Variants in CENPF observed in about 807,000 individuals in gnomAD.
The protein encoded by CENPF is AH antigen.
Under a neutral mutation model 307.3 loss-of-function variants are expected in CENPF, and 214 were observed. That is an observed-to-expected ratio of 0.70 (90% CI 0.62 to 0.78). The LOEUF (loss-of-function observed/expected upper bound fraction) is 0.78. CENPF is among the 30% of genes least tolerant of loss of function. The probability of loss-of-function intolerance (pLI) is 0.00; values close to 1 mark genes in which losing one functional copy is unlikely to be tolerated. For synonymous variants in CENPF, 1,259 were observed against 1,270.6 expected, an observed-to-expected ratio of 0.99 and a Z score of 0.19; for missense variants, 3,401 against 3,483.9, an observed-to-expected ratio of 0.98 and a Z score of 0.60.
At chr1:214,605,410 C>A in intron 1 of CENPF, 2 of 446,570 alleles carry the variant, frequency 4.5e-6, no homozygotes, top group South Asian at 2.7e-5. Context: ...GTCATACATC[C>A]GTAAGTGCCT....
chr1:214,605,702 G>A, intron 1 of CENPF: 6 of 1,591,732 alleles, frequency 3.8e-6, no homozygotes, highest in South Asian at 3.3e-5. Flanking sequence ...CAGCTCCTGG[G>A]AGATGAAGCG....
At chr1:214,609,864 C>A (rs1430404241) in intron 1 of CENPF, among the ~76,000 whole-genome samples, 3 of 152,172 alleles carry the variant, frequency 2.0e-5, no homozygotes, top group Non-Finnish European at 4.4e-5. Flanking sequence ...CTGCAAAAAA[C>A]CATGATCTCA....
intron 1 of CENPF, chr1:214,608,265 T>C (rs1226220185): frequency 6.6e-7 from 1 of 1,524,142 alleles, no homozygotes; most frequent in African/African-American, 1.4e-5. Flanking sequence ...CCCGGCCTGG[T>C]CCCCTCTTGG....
At chr1:214,621,279 C>T (rs554641688) in intron 6 of CENPF, among the ~76,000 whole-genome samples, 16 of 152,158 alleles carry the variant, frequency 1.1e-4, no homozygotes, top group Non-Finnish European at 1.9e-4. Context: ...TTTTGTGACC[C>T]ACAGAACCAG....
rs898982603 is a variant in CENPF at position 214,664,302 on chromosome 1, A to G, written c.*508A>G. 1.9e-5 allele frequency: 3 copies of G among 157,064 alleles called. No homozygotes were observed. Among genetic ancestry groups the G allele is most frequent in the African/African-American group, 7.2e-5 (3 of 41,504 alleles). The allele number at this position is 157,064 out of a possible 1,614,324, so 9.7% of individuals were successfully genotyped here. A position where few individuals can be genotyped will look rare whatever the true frequency, so the allele number is the denominator to read the frequency against. On this transcript the variant is annotated 3_prime_UTR_variant, in exon 20 of 20. Transcript: ENST00000366955. ...GTTTTTAAGGAAAATGTGCACACAT[A>G]TACATGTAGGAGTGTTTATCTTTCT...
Position 214,664,096 on chromosome 1 carries a change from CTGTT to C in CENPF, c.*306_*309del, listed in dbSNP as rs915389947. 8.7e-6 allele frequency: 2 copies of C among 229,014 alleles called. No individual in the cohort carries two copies. Among genetic ancestry groups the C allele is most frequent in the South Asian group, 1.4e-4 (1 of 6,954 alleles). The allele number at this position is 229,014 out of a possible 1,614,324, so 14.2% of individuals were successfully genotyped here. ...AATGACAAGCACTATATCACAATCT[CTGTT>C]TGTATGTGGGTTTTACACTAAAAAA... On this transcript the variant is annotated 3_prime_UTR_variant, in exon 20 of 20. Transcript: ENST00000366955.
At chr1:214,649,710 C>T (rs144040328) in intron 14 of CENPF, among the ~76,000 whole-genome samples, 152 of 152,328 alleles carry the variant, frequency 1.0e-3, no homozygotes, top group African/African-American at 3.5e-3. Context: ...AGGAGTTCCT[C>T]TGAATGATAT....
At chr1:214,615,234 T>C in intron 3 of CENPF, 1 of 378,558 alleles carries the variant, frequency 2.6e-6, no homozygotes. Context: ...ATTGCATAGC[T>C]CAGTACGATA....
chr1:214,616,364 A>C (rs1161437064), intron 3 of CENPF, among the ~76,000 whole-genome samples: 1 of 152,222 alleles, frequency 6.6e-6, no homozygotes. Flanking sequence ...ACCTCGAATC[A>C]GCAGATTTGT....
rs1331516233 is a variant in CENPF, at chr1:214,632,462, C to T, written c.1324-18C>T. The T allele has an allele frequency of 6.2e-7, 1 of 1,604,088 alleles. No individual in the cohort carries two copies. Among genetic ancestry groups the T allele is most frequent in the South Asian group, 1.1e-5 (1 of 88,444 alleles). The stretch of plus-strand genomic sequence containing the variant: ...AAAGAACATGAAAATGAAACTTGGT[C>T]TCTTTTTCTTTTTGTAGCTCACATC... On this transcript the variant is annotated intron_variant, in intron 9 of 19. Coordinates refer to ENST00000366955, the MANE Select transcript of CENPF (RefSeq NM_016343.4).
At chr1:214,630,758 G>GA in intron 9 of CENPF, 96 bp downstream of exon 9, 1 of 1,452,494 alleles carries the variant, frequency 6.9e-7, no homozygotes, top group Non-Finnish European at 9.3e-7. Flanking sequence ...TACTTTCAAA[G>GA]AAAAAGCGCT....
chr1:214,643,372 G>A lies in CENPF; in HGVS notation c.4986+48G>A, dbSNP rs17023338. 0.061 allele frequency: 84,285 copies of A among 1,378,566 alleles called. 3,176 individuals carry two copies. Among genetic ancestry groups the A allele is most frequent in the South Asian group, 0.15 (8,196 of 53,252 alleles). The allele number at this position is 1,378,566 out of a possible 1,614,324, so 85.4% of individuals were successfully genotyped here. On this transcript the variant is annotated intron_variant, in intron 12 of 19. Transcript: ENST00000366955. ...CCATTTCTCGGTTTACATGACTAGTGGACACTCAGTAAATGTTTGTCTAAT... is the reference window on the plus strand; with the variant it reads ...CCATTTCTCGGTTTACATGACTAGTAGACACTCAGTAAATGTTTGTCTAAT...
intron 3 of CENPF, among the ~76,000 whole-genome samples, chr1:214,617,357 T>C (rs1044742474): frequency 6.6e-6 from 1 of 152,158 alleles, no homozygotes; most frequent in Non-Finnish European, 1.5e-5. Flanking sequence ...ATTACTTTCT[T>C]TACTTCCTGT....
intron 1 of CENPF, chr1:214,608,622 G>A (rs1361381997): frequency 1.2e-6 from 2 of 1,606,260 alleles, no homozygotes; most frequent in Non-Finnish European, 1.7e-6. Context: ...GGAAGTCGGC[G>A]CGCTCCGTCA....
At chr1:214,617,024 C>CTCTT (rs1175198510) in intron 3 of CENPF, among the ~76,000 whole-genome samples, 1 of 135,406 alleles carries the variant, frequency 7.4e-6, no homozygotes, top group Non-Finnish European at 1.6e-5. Flanking sequence ...CTTTCTCTTT[C>CTCTT]TCTTTCTTTC....
At position 214,642,219 on chromosome 1, in the gene CENPF, AAAC is replaced by A. The variant is rs749527687; in HGVS notation, c.3887_3889del (p.Thr1296del). On this transcript the variant is annotated inframe_deletion, in exon 12 of 20. Transcript: ENST00000366955. ...AATGCACACCTTCAGTGCTCTCTGC[AAAC>A]AACAATGAACAAGCTGAATGAGCTA... The A allele has an allele frequency of 4.3e-6, 7 of 1,614,078 alleles. 1 individual carries two copies. The highest frequency in any genetic ancestry group is 4.5e-5 in the East Asian group (2 of 44,878).
chr1:214,613,768 T>G lies in CENPF; in HGVS notation c.14T>G (p.Leu5Trp), dbSNP rs771592912. Residue 5 changes from leucine to tryptophan, a missense_variant, in exon 2 of 20, where the codon TTG becomes TGG. Coordinates refer to ENST00000366955, the MANE Select transcript of CENPF (RefSeq NM_016343.4). ...AGGCAGAACAAAATGAGCTGGGCTT[T>G]GGAAGAATGGAAAGAAGGGCTGCCT... MSWALEEWKEGLPTR... is the reference protein window; with the variant it reads MSWAWEEWKEGLPTR... The G allele has an allele frequency of 6.2e-7, 1 of 1,604,966 alleles. No homozygotes were observed.
intron 11 of CENPF, among the ~76,000 whole-genome samples, chr1:214,638,791 G>A (rs1005945192): frequency 4.6e-5 from 7 of 152,182 alleles, no homozygotes; most frequent in Admixed American, 1.3e-4. Flanking sequence ...GCGACAGAGC[G>A]AGACTCCATC....
In CENPF at chr1:214,644,887, C is replaced by T; in HGVS notation, c.5317C>T (p.Gln1773Ter). The T allele has an allele frequency of 6.2e-7, 1 of 1,614,060 alleles. No individual in the cohort carries two copies. The highest frequency in any genetic ancestry group is 1.1e-5 in the South Asian group (1 of 91,076). ...LGNQEDIHNL[Q>*]LRVKETSNEN... ...GAATCAGGAAGATATCCATAATCTT[C>T]AACTGCGGGTAAAAGAGACATCAAA... The change falls in exon 13 of 20, where the codon CAA (glutamine) becomes TAA (stop). Residue 1773 changes from glutamine to a stop codon, truncating the protein, a stop_gained. Transcript: ENST00000366955. LOFTEE classifies it high-confidence loss of function.
Sources: gnomAD v4.1 joint callset for allele counts (sites outside exome capture counted in the v4.1 genomes callset) on GRCh38, gnomAD v4.1.1 for gene constraint, MANE v1.5 for transcripts, NCBI Gene and HGNC (gene_info 2026-07-23, HGNC 2026-07-21) for gene names.